Variants in PCDHGB2 observed in about 807,000 individuals in gnomAD.
The protein encoded by PCDHGB2 is protocadherin gamma-B2.
A neutral mutation model predicts 59.3 loss-of-function variants in PCDHGB2; 55 were observed. The observed-to-expected ratio is 0.93, with a 90% CI of 0.75 to 1.16. The LOEUF is 1.16. Among genes scored for constraint, PCDHGB2 ranks in the 50% most tolerant of loss-of-function variants. The pLI, the probability that PCDHGB2 is intolerant of heterozygous loss-of-function variation, is 0.00. For missense variants in PCDHGB2, 1,228 were observed against 1,198.5 expected (o/e 1.02, Z -0.36); for synonymous variants, 516 against 512.0 (o/e 1.01, Z -0.11).
At chr5:141,445,524 TA>T (rs1180348783) in intron 1 of PCDHGB2, among the ~76,000 whole-genome samples, 1 of 152,192 alleles carries the variant, frequency 6.6e-6, no homozygotes, top group Admixed American at 6.5e-5. Flanking sequence ...ACAGGTCTGA[TA>T]AAAGCCAACA....
chr5:141,410,847 G>GTTT (rs773839667), intron 1 of PCDHGB2: 4 of 158,330 alleles, frequency 2.5e-5, no homozygotes, highest in South Asian at 1.1e-4. Context: ...TTTTGTCTTT[G>GTTT]TCTTTTTTTT....
rs1589320809 is a variant in PCDHGB2, at chr5:141,398,163, G to A, written c.2421+35607G>A. 6 of 1,482,244 alleles carry A rather than the reference G, an allele frequency of 4.0e-6. No homozygotes were observed. The Admixed American group carries it at 1.0e-4, about 26-fold the overall frequency. The allele number at this position is 1,482,244 out of a possible 1,614,324, so 91.8% of individuals were successfully genotyped here. A position where few individuals can be genotyped will look rare whatever the true frequency, so the allele number is the denominator to read the frequency against. Reference sequence around the variant, plus strand: ...GCGCCGGGGAGCTGGGCCGGGCTGAGAGGCTGCCAGTGCTCTTTCTCTTCC... The same window carrying A: ...GCGCCGGGGAGCTGGGCCGGGCTGAAAGGCTGCCAGTGCTCTTTCTCTTCC... On this transcript the variant is annotated intron_variant, in intron 1 of 3. Transcript: ENST00000522605.
intron 1 of PCDHGB2, chr5:141,418,730 G>A (rs371887408): frequency 6.2e-6 from 10 of 1,613,832 alleles, no homozygotes; most frequent in African/African-American, 1.3e-5. Context: ...AGCTCAGCAC[G>A]TGTTCTCTCT....
chr5:141,506,115 T>C (rs1211973354), intron 3 of PCDHGB2, among the ~76,000 whole-genome samples: 1 of 152,062 alleles, frequency 6.6e-6, no homozygotes, highest in Admixed American at 6.5e-5. Context: ...GAAGAGTCAC[T>C]AGGGCCCAGA....
intron 1 of PCDHGB2, chr5:141,412,746 C>T (rs2095574250): frequency 6.5e-6 from 1 of 154,106 alleles, no homozygotes; most frequent in Non-Finnish European, 1.4e-5. Context: ...ATATATTTAA[C>T]CAAACATTAT....
intron 1 of PCDHGB2, chr5:141,394,190 G>T (rs1370592594): frequency 1.2e-6 from 2 of 1,613,684 alleles, no homozygotes; most frequent in Non-Finnish European, 1.7e-6. Flanking sequence ...CCTACTCAGC[G>T]TATATCCTAG....
At position 141,487,886 on chromosome 5, in the gene PCDHGB2, G is replaced by A. The variant is rs1208779156; in HGVS notation, c.2422-6921G>A. On this transcript the variant is annotated intron_variant, in intron 1 of 3. Transcript: ENST00000522605. This position sits in a 1 kb window ranked among gnomAD's most constrained non-coding sequence, Gnocchi z 5.0. ...GATCAAGAGCCAGGCTGTTGTGGAA[G>A]CATGATGATGGAATGTGGGAGCACA... is the stretch of plus-strand genomic sequence containing the variant. 1.3e-6 allele frequency: 1 copy of A among 751,316 alleles called. No individual in the cohort carries two copies. The highest frequency in any genetic ancestry group is 2.1e-6 in the Non-Finnish European group (1 of 467,526). The allele number at this position is 751,316 out of a possible 1,614,324, so 46.5% of individuals were successfully genotyped here.
At chr5:141,447,149 T>C (rs2098528211) in intron 1 of PCDHGB2, among the ~76,000 whole-genome samples, 1 of 152,212 alleles carries the variant, frequency 6.6e-6, no homozygotes, top group African/African-American at 2.4e-5. Flanking sequence ...TTTGTTTTTG[T>C]TTTTGTTTAA....
rs2097423534 is a variant in PCDHGB2 at position 141,431,850 on chromosome 5, C to A, written c.2422-62957C>A. 6.2e-7 allele frequency: 1 copy of A among 1,614,234 alleles called. No individual in the cohort carries two copies. ...GTTCCCGAAAACTCTCCCAGAGGGA[C>A]ATTAATTGCCCTTTTAAATGTAAAT... On this transcript the variant is annotated intron_variant, in intron 1 of 3. Coordinates refer to ENST00000522605, the MANE Select transcript of PCDHGB2 (RefSeq NM_018923.3). This position sits in a 1 kb window ranked among gnomAD's most constrained non-coding sequence, Gnocchi z 4.8.
intron 1 of PCDHGB2, among the ~76,000 whole-genome samples, chr5:141,467,320 T>C (rs1593065881): frequency 6.6e-6 from 1 of 152,322 alleles, no homozygotes; most frequent in African/African-American, 2.4e-5. Flanking sequence ...CCCACAGTGC[T>C]GGGATTAGAG....
rs115808055 is a variant in PCDHGB2 at position 141,476,782 on chromosome 5, A to G, written c.2422-18025A>G. Reference sequence around the variant, plus strand: ...TGACGGCGTTGGACGGAGGGACCCCAGCTCTCTCCGCCAGCCTGCCTATTC... The same window carrying G: ...TGACGGCGTTGGACGGAGGGACCCCGGCTCTCTCCGCCAGCCTGCCTATTC... On this transcript the variant is annotated intron_variant, in intron 1 of 3. Transcript: ENST00000522605. This position sits in a 1 kb window ranked among gnomAD's most constrained non-coding sequence, Gnocchi z 7.6. 18,517 of 1,613,566 alleles carry G rather than the reference A, an allele frequency of 0.011. 139 individuals are homozygous for G. Among genetic ancestry groups the G allele is most frequent in the Non-Finnish European group, 0.014 (16,976 of 1,179,996 alleles).
intron 1 of PCDHGB2, chr5:141,428,160 T>C (rs761366261): frequency 6.4e-7 from 1 of 1,572,286 alleles, no homozygotes; most frequent in Non-Finnish European, 8.7e-7. Context: ...AACCTGCTGG[T>C]TGCTGTGCGT....
intron 1 of PCDHGB2, chr5:141,410,023 C>A: frequency 6.2e-7 from 1 of 1,613,310 alleles, no homozygotes; most frequent in South Asian, 1.1e-5. Context: ...TGTCCTACCA[C>A]GTGCTGCAGG....
chr5:141,372,451 C>T, intron 1 of PCDHGB2: 1 of 1,614,042 alleles, frequency 6.2e-7, no homozygotes, highest in Non-Finnish European at 8.5e-7. Context: ...GACCCTCAGG[C>T]GGAGCTACAG....
intron 1 of PCDHGB2, chr5:141,389,915 C>T (rs371220204): frequency 2.2e-5 from 36 of 1,613,944 alleles, no homozygotes; most frequent in Non-Finnish European, 4.2e-6. Context: ...CTGACCGCCC[C>T]GACCCCTCTG....
chr5:141,416,859 G>A (rs1411419006), intron 1 of PCDHGB2: 1 of 151,936 alleles, frequency 6.6e-6, no homozygotes, highest in South Asian at 2.1e-4. Context: ...ATTTTTTTCA[G>A]GTCAGTCAAC....
At chr5:141,418,520 C>T (rs766042374) in intron 1 of PCDHGB2, 3 of 1,613,936 alleles carry the variant, frequency 1.9e-6, no homozygotes, top group Non-Finnish European at 2.5e-6. Flanking sequence ...TGGGGACCCT[C>T]CCCGAAGCGG....
chr5:141,404,109 TCCAGGAGAATCTATCTTTTA>T, intron 1 of PCDHGB2: 1 of 1,613,518 alleles, frequency 6.2e-7, no homozygotes, highest in East Asian at 2.2e-5. Flanking sequence ...GTCTGTTCTA[TCCAGGAGAATCTATCTTTTA>T]CATTAGAAAA....
intron 1 of PCDHGB2, chr5:141,405,168 A>G: frequency 1.2e-6 from 2 of 1,613,960 alleles, no homozygotes. Flanking sequence ...CCCACCTCAC[A>G]CTTTGTGGGT....
Sources: allele counts gnomAD v4.1 joint callset (sites outside exome capture counted in the v4.1 genomes callset), GRCh38; gene constraint gnomAD v4.1.1; non-coding constraint Gnocchi (gnomAD v3.1); transcripts MANE v1.5; gene names NCBI Gene and HGNC (gene_info 2026-07-23, HGNC 2026-07-21).